The following CHD9 variants were observed in gnomAD, a reference collection of about 807,000 sequenced individuals.
CHD9 encodes ATP-dependent chromatin remodeler CHD9.
A neutral mutation model predicts 316.1 loss-of-function variants in CHD9; 77 were observed. The ratio of observed to expected loss-of-function variants is 0.24; its 90% CI spans 0.20 to 0.29. CHD9 has a LOEUF of 0.29. Among genes scored for constraint, CHD9 ranks in the 10% least tolerant of loss-of-function variants. CHD9 has a pLI of 1.00. For missense variants in CHD9, 2,763 were observed against 3,438.1 expected, an observed-to-expected ratio of 0.80 and a Z score of 4.91; for synonymous variants, 1,129 against 1,158.3, an observed-to-expected ratio of 0.97 and a Z score of 0.51.
At chr16:53,244,192 CTTTTTT>C (rs529369708) in intron 13 of CHD9, among the ~76,000 whole-genome samples, 1 of 135,496 alleles carries the variant, frequency 7.4e-6, no homozygotes, top group Non-Finnish European at 1.6e-5. Flanking sequence ...AAGCATATTT[CTTTTTT>C]TTTTTTTTTT....
intron 1 of CHD9, among the ~76,000 whole-genome samples, chr16:53,085,120 C>T (rs934244478): frequency 2.0e-5 from 3 of 152,128 alleles, no homozygotes; most frequent in East Asian, 3.8e-4. Flanking sequence ...GGGCCACATT[C>T]GTCCATAATA....
chr16:53,104,671 G>A (rs544765157), intron 1 of CHD9, among the ~76,000 whole-genome samples: 3 of 151,928 alleles, frequency 2.0e-5, no homozygotes, highest in Non-Finnish European at 4.4e-5. Flanking sequence ...AATTAGCTGG[G>A]CATGGTGGCA....
Position 53,267,432 on chromosome 16 carries a change from T to C in CHD9, c.4459T>C (p.Ser1487Pro), listed in dbSNP as rs753483098. The stretch of plus-strand genomic sequence containing the variant: ...CAAACTCCGGAGACCCTGTGACCGT[T>C]CCAATGGCTATGGAAGAACTGAATG... ...KPKLRRPCDRSNGYGRTECFR... is the reference protein window; with the variant it reads ...KPKLRRPCDRPNGYGRTECFR... The change falls in exon 21 of 39, where the codon TCC becomes CCC. Residue 1487 changes from serine (S) to proline (P), a missense_variant. Physicochemically the swap from Ser to Pro is moderately conservative, Grantham distance 74. Coordinates refer to ENST00000447540, the MANE Select transcript of CHD9 (RefSeq NM_001308319.2). 3.7e-6 allele frequency: 6 copies of C among 1,612,014 alleles called. No individual in the cohort carries two copies. The South Asian group carries it at 6.6e-5, about 18-fold the overall frequency.
chr16:53,076,136 G>C (rs1261254238), intron 1 of CHD9, among the ~76,000 whole-genome samples: 1 of 152,004 alleles, frequency 6.6e-6, no homozygotes, highest in Non-Finnish European at 1.5e-5. Flanking sequence ...GGAGTTCTCT[G>C]TATCTTCTGG....
In CHD9 at chr16:53,222,648, C is replaced by G. The variant is rs142324607; in HGVS notation, c.1789C>G (p.Leu597Val). 107 of 1,434,788 alleles carry G rather than the reference C, an allele frequency of 7.5e-5. No individual in the cohort carries two copies. In the African/African-American group the frequency reaches 1.4e-3, roughly 19 times the overall value. The allele number at this position is 1,434,788 out of a possible 1,614,324, so 88.9% of individuals were successfully genotyped here. The stretch of plus-strand genomic sequence containing the variant: ...ATTCTTTTCCTCTTGAAACAGCAAA[C>G]TCATTATTACATTGGGTAAGAAACA... ...KLKEKTKIGK[L>V]IITLGKKQKR... Residue 597 changes from leucine to valine, a missense_variant, in exon 4 of 39, where the codon CTC (leucine) becomes GTC (valine). This residue lies in a region of CHD9 where 859 missense variants were observed against 890.4 expected (regional missense o/e 0.96). Coordinates refer to ENST00000447540, the MANE Select transcript of CHD9 (RefSeq NM_001308319.2).
chr16:53,109,519 G>C (rs1347629828), intron 1 of CHD9, among the ~76,000 whole-genome samples: 1 of 150,890 alleles, frequency 6.6e-6, no homozygotes, highest in Non-Finnish European at 1.5e-5. Flanking sequence ...ATTTCTAGTA[G>C]AGACAGGGTT....
intron 1 of CHD9, among the ~76,000 whole-genome samples, chr16:53,061,013 C>T (rs1008147234): frequency 2.1e-4 from 31 of 150,696 alleles, no homozygotes; most frequent in African/African-American, 7.6e-4. Flanking sequence ...GCAACCTCCG[C>T]CCCCCCGGGT....
chr16:53,149,130 C>T (rs2040878413), intron 1 of CHD9, among the ~76,000 whole-genome samples: 1 of 152,046 alleles, frequency 6.6e-6, no homozygotes, highest in Non-Finnish European at 1.5e-5. Flanking sequence ...AGTTTGTATA[C>T]TTGTAATATT....
chr16:53,170,383 T>A (rs1302839405), intron 2 of CHD9, among the ~76,000 whole-genome samples: 1 of 152,192 alleles, frequency 6.6e-6, no homozygotes, highest in Non-Finnish European at 1.5e-5. Flanking sequence ...TTTTTGAATA[T>A]TTGGCCAGAG....
intron 2 of CHD9, among the ~76,000 whole-genome samples, chr16:53,170,938 C>A (rs993274373): frequency 1.2e-4 from 18 of 151,980 alleles, no homozygotes; most frequent in African/African-American, 4.3e-4. Context: ...AAGTAAGGCC[C>A]ATATAACAAA....
chr16:53,292,968 C>T lies in CHD9; in HGVS notation c.5426C>T (p.Ser1809Leu), dbSNP rs2054472048. The T allele has an allele frequency of 6.2e-7, 1 of 1,613,804 alleles. No individual in the cohort carries two copies. Among genetic ancestry groups the T allele is most frequent in the Non-Finnish European group, 8.5e-7 (1 of 1,179,830 alleles). ...ATTCAGCAGATACAACCGACTTTCT[C>T]GGTGCCTACCAGTGTAATGCAGCCT... is the stretch of plus-strand genomic sequence containing the variant. The part of the protein sequence containing the change: ...RQIQQIQPTF[S>L]VPTSVMQPIY... The change falls in exon 29 of 39, where the codon TCG becomes TTG. Residue 1809 changes from serine (S) to leucine (L), a missense_variant. Ser to Leu is a moderately radical substitution (Grantham distance 145, BLOSUM62 -2). This residue lies in a region of CHD9 where 183 missense variants were observed against 258.5 expected (regional missense o/e 0.71). Transcript: ENST00000447540.
intron 1 of CHD9, among the ~76,000 whole-genome samples, chr16:53,155,379 T>C (rs1315624536): frequency 1.3e-5 from 2 of 151,984 alleles, no homozygotes; most frequent in African/African-American, 4.8e-5. Context: ...CACACCACCA[T>C]GGCCGAGTAG....
chr16:53,324,722 G>A lies in CHD9; in HGVS notation c.8521G>A (p.Glu2841Lys), dbSNP rs1386744080. ...TGACTTAGGCTCGTCTAAGTCTGTA[G>A]AAGTAAAAGAAGAAGATTCCAGAAT... is the stretch of plus-strand genomic sequence containing the variant. ...NSDLGSSKSV[E>K]VKEEDSRIKD... The change falls in exon 39 of 39, where the codon GAA (glutamate) becomes AAA (lysine). Residue 2841 changes from glutamate (E) to lysine (K), a missense_variant. Glu to Lys is a moderately conservative substitution (Grantham distance 56). This residue lies in a region of CHD9 where 298 missense variants were observed against 380.2 expected (regional missense o/e 0.78). Transcript: ENST00000447540. 3.0e-5 allele frequency: 49 copies of A among 1,613,156 alleles called. No individual in the cohort carries two copies. Among genetic ancestry groups the A allele is most frequent in the Non-Finnish European group, 4.2e-5 (49 of 1,179,610 alleles).
intron 1 of CHD9, among the ~76,000 whole-genome samples, chr16:53,123,765 A>G (rs1225496686): frequency 6.6e-6 from 1 of 151,630 alleles, no homozygotes; most frequent in Non-Finnish European, 1.5e-5. Context: ...GCCTCCCAAA[A>G]TGCTGGAATT....
At chr16:53,146,013 T>C (rs1238928495) in intron 1 of CHD9, among the ~76,000 whole-genome samples, 2 of 151,386 alleles carry the variant, frequency 1.3e-5, no homozygotes, top group Admixed American at 6.6e-5. Flanking sequence ...TTGTCTAGAG[T>C]TGTTATATTC....
chr16:53,135,725 A>G (rs1158353950), intron 1 of CHD9, among the ~76,000 whole-genome samples: 1 of 152,206 alleles, frequency 6.6e-6, no homozygotes, highest in South Asian at 2.1e-4. Flanking sequence ...GAATAGGTTT[A>G]GCTAGAAGTG....
intron 1 of CHD9, among the ~76,000 whole-genome samples, chr16:53,057,356 A>G (rs2032270174): frequency 6.6e-6 from 1 of 151,590 alleles, no homozygotes; most frequent in South Asian, 2.1e-4. Flanking sequence ...CATTTAAAAA[A>G]AAAAAGAGGA....
intron 2 of CHD9, among the ~76,000 whole-genome samples, chr16:53,191,345 A>C (rs1366604455): frequency 6.6e-6 from 1 of 152,088 alleles, no homozygotes; most frequent in East Asian, 1.9e-4. Flanking sequence ...TTTAGTGAAC[A>C]GTTCTAACTG....
chr16:53,070,308 AATC>A (rs1202249455), intron 1 of CHD9, among the ~76,000 whole-genome samples: 2 of 152,056 alleles, frequency 1.3e-5, no homozygotes, highest in Non-Finnish European at 2.9e-5. Context: ...GTATTCAAGA[AATC>A]ATTGCCAAAT....
Sources: gnomAD v4.1 joint callset for allele counts (sites outside exome capture counted in the v4.1 genomes callset) on GRCh38, gnomAD v4.1.1 for gene constraint, gnomAD v4.1.1 regional missense constraint, MANE v1.5 for transcripts, NCBI Gene and HGNC (gene_info 2026-07-23, HGNC 2026-07-21) for gene names.